Variants in SH3PXD2A observed in about 807,000 individuals in gnomAD.
SH3PXD2A encodes SH3 and PX domain-containing protein 2A.
A neutral mutation model predicts 115.2 loss-of-function variants in SH3PXD2A; 32 were observed. The observed-to-expected ratio is 0.28, with a 90% confidence interval of 0.21 to 0.37. The LOEUF is 0.37. Among genes scored for constraint, SH3PXD2A ranks in the 10% least tolerant of loss-of-function variants. The pLI is 1.00. For missense variants in SH3PXD2A, 1,328 were observed against 1,498.7 expected, an observed-to-expected ratio of 0.89 and a Z score of 1.88; for synonymous variants, 610 against 629.1, an observed-to-expected ratio of 0.97 and a Z score of 0.45.
At chr10:103,809,071 G>A (rs776692778) in intron 1 of SH3PXD2A, among the ~76,000 whole-genome samples, 4 of 152,224 alleles carry the variant, frequency 2.6e-5, no homozygotes, top group Non-Finnish European at 5.9e-5. Flanking sequence ...ACTTGGCTAA[G>A]GTTTCTGAGC....
chr10:103,683,884 A>G (rs2037643010), intron 6 of SH3PXD2A, among the ~76,000 whole-genome samples: 1 of 152,164 alleles, frequency 6.6e-6, no homozygotes, highest in South Asian at 2.1e-4. Flanking sequence ...CCTGCCTAGT[A>G]TTAATGAATC....
intron 1 of SH3PXD2A, among the ~76,000 whole-genome samples, chr10:103,836,612 C>T (rs546251510): frequency 6.6e-6 from 1 of 151,698 alleles, no homozygotes; most frequent in East Asian, 1.9e-4. Context: ...AACCCCCACA[C>T]AGACATGTCC....
At chr10:103,766,894 T>C (rs2038760539) in intron 3 of SH3PXD2A, among the ~76,000 whole-genome samples, 200 bp downstream of exon 3, 1 of 152,184 alleles carries the variant, frequency 6.6e-6, no homozygotes, top group Non-Finnish European at 1.5e-5. Context: ...GAGACGGTCT[T>C]GTAATGGTGA....
At chr10:103,800,209 C>G (rs1208884561) in intron 2 of SH3PXD2A, among the ~76,000 whole-genome samples, 1 of 152,168 alleles carries the variant, frequency 6.6e-6, no homozygotes, top group Non-Finnish European at 1.5e-5. Flanking sequence ...CACTGATTCT[C>G]CCTTCTCTAG....
intron 8 of SH3PXD2A, among the ~76,000 whole-genome samples, chr10:103,646,918 A>G (rs2037043979): frequency 6.6e-6 from 1 of 152,158 alleles, no homozygotes; most frequent in African/African-American, 2.4e-5. Context: ...AGAGATGGGT[A>G]GAAAGCTGGG....
intron 2 of SH3PXD2A, among the ~76,000 whole-genome samples, chr10:103,795,451 A>G (rs2039076737): frequency 6.6e-6 from 1 of 152,176 alleles, no homozygotes; most frequent in South Asian, 2.1e-4. Flanking sequence ...GGGTATGGAT[A>G]ACCAAAAAGG....
chr10:103,782,479 G>A (rs2038939573), intron 2 of SH3PXD2A, among the ~76,000 whole-genome samples: 1 of 152,246 alleles, frequency 6.6e-6, no homozygotes, highest in African/African-American at 2.4e-5. Flanking sequence ...AGCGGAGGAG[G>A]AGGACAGCAG....
intron 1 of SH3PXD2A, among the ~76,000 whole-genome samples, chr10:103,848,098 C>A (rs1842864906): frequency 6.6e-6 from 1 of 152,154 alleles, no homozygotes; most frequent in African/African-American, 2.4e-5. Context: ...CTCGCTCTTG[C>A]CACTGGGGGA....
At chr10:103,691,850 G>T (rs532080360) in intron 6 of SH3PXD2A, among the ~76,000 whole-genome samples, 2 of 151,776 alleles carry the variant, frequency 1.3e-5, no homozygotes, top group Non-Finnish European at 2.9e-5. Context: ...AGCCACACAC[G>T]CCCCCAACAC....
intron 3 of SH3PXD2A, among the ~76,000 whole-genome samples, chr10:103,750,226 A>C (rs2038559629): frequency 6.6e-6 from 1 of 151,958 alleles, no homozygotes; most frequent in South Asian, 2.1e-4. Context: ...TAATTTTAAA[A>C]AATTTCTTGT....
intron 5 of SH3PXD2A, among the ~76,000 whole-genome samples, chr10:103,693,907 G>C (rs2134132819): frequency 6.6e-6 from 1 of 152,308 alleles, no homozygotes; most frequent in Middle Eastern, 3.4e-3. Flanking sequence ...CTTAGGCACT[G>C]CACCCTCCCA....
Position 103,706,934 on chromosome 10 carries a change from G to A in SH3PXD2A, c.399-13878C>T, listed in dbSNP as rs528149204. On this transcript the variant is annotated intron_variant, in intron 5 of 14. Transcript: ENST00000369774. ...TGAGGACGGAATGGCAGCAGCCCGC[G>A]GCCTCCTGTGCTCCGTCCTCTGTGA... is the stretch of plus-strand genomic sequence containing the variant. Among the ~76,000 whole-genome samples, 7 of 152,302 alleles carry A rather than the reference G, an allele frequency of 4.6e-5. No homozygotes were observed. The East Asian group carries it at 1.2e-3, about 25-fold the overall frequency.
intron 5 of SH3PXD2A, among the ~76,000 whole-genome samples, chr10:103,702,939 T>G (rs1229690876): frequency 6.6e-6 from 1 of 152,114 alleles, no homozygotes. Context: ...GTGTCACGTG[T>G]GTGTATGGGT....
Position 103,627,695 on chromosome 10 carries a change from C to A in SH3PXD2A, c.605-493G>T, listed in dbSNP as rs891104150. 2.0e-5 allele frequency among the ~76,000 whole-genome samples: 3 copies of A among 152,226 alleles called. No homozygotes were observed. The highest frequency in any genetic ancestry group is 7.2e-5 in the African/African-American group (3 of 41,466). ...GTCAGCGGTACCTTCGCATTGGTGC[C>A]ACTCACAGCTGCCCTTTAAGTGTGT... is the stretch of plus-strand genomic sequence containing the variant. On this transcript the variant is annotated intron_variant, in intron 8 of 14. Transcript: ENST00000369774. The surrounding 1 kb of genome is among the most constrained non-coding windows in gnomAD (Gnocchi z 4.4).
chr10:103,624,253 G>T (rs1406349140), intron 9 of SH3PXD2A, among the ~76,000 whole-genome samples: 1 of 152,214 alleles, frequency 6.6e-6, no homozygotes, highest in Non-Finnish European at 1.5e-5. Flanking sequence ...TCACTAATGG[G>T]GTACACGCCT....
chr10:103,691,296 T>G (rs1219098910), intron 6 of SH3PXD2A, among the ~76,000 whole-genome samples: 1 of 152,220 alleles, frequency 6.6e-6, no homozygotes, highest in Non-Finnish European at 1.5e-5. Context: ...ATTAACATAC[T>G]TAATCCTCTA....
rs1028413199 is a variant in SH3PXD2A at position 103,848,900 on chromosome 10, C to A, written c.72+6295G>T. 1.1e-4 allele frequency among the ~76,000 whole-genome samples: 17 copies of A among 149,176 alleles called. 1 individual carries two copies. Among genetic ancestry groups the A allele is most frequent in the Middle Eastern group, 7.0e-3 (2 of 284 alleles). ...GCTCTTTACAATTACAAACTCATTT[C>A]ATCTTCATCATAACCCTAAGAGCTA... On this transcript the variant is annotated intron_variant, in intron 1 of 14. Transcript: ENST00000369774.
intron 14 of SH3PXD2A, among the ~76,000 whole-genome samples, chr10:103,605,403 A>G (rs981814266): frequency 3.9e-5 from 6 of 152,078 alleles, no homozygotes; most frequent in Non-Finnish European, 7.4e-5. Flanking sequence ...TGTAGGTGAC[A>G]CTCCCAGTGA....
chr10:103,722,510 A>G (rs1424664997), intron 5 of SH3PXD2A, among the ~76,000 whole-genome samples: 1 of 151,938 alleles, frequency 6.6e-6, no homozygotes, highest in African/African-American at 2.4e-5. Flanking sequence ...CTGTGTTGCC[A>G]GGACTGGTCT....
Sources: allele counts gnomAD v4.1 joint callset (sites outside exome capture counted in the v4.1 genomes callset), GRCh38; gene constraint gnomAD v4.1.1; non-coding constraint Gnocchi (gnomAD v3.1); transcripts MANE v1.5; gene names NCBI Gene and HGNC (gene_info 2026-07-23, HGNC 2026-07-21).